The following WIPI2 variants were observed in gnomAD, a reference collection of about 807,000 sequenced individuals.
The protein encoded by WIPI2 is WD repeat domain phosphoinositide-interacting protein 2.
A neutral mutation model predicts 52.3 loss-of-function variants in WIPI2; 28 were observed. The ratio of observed to expected loss-of-function variants is 0.54; its 90% CI spans 0.40 to 0.73. WIPI2 has a LOEUF of 0.73. Among genes scored for constraint, WIPI2 ranks in the 30% least tolerant of loss-of-function variants. WIPI2 has a pLI of 0.00. For synonymous variants in WIPI2, 268 were observed against 245.0 expected (o/e 1.09, Z -0.88); for missense variants, 506 against 602.9 (o/e 0.84, Z 1.68).
rs73048035 is a variant in WIPI2 at position 5,213,422 on chromosome 7, C to T, written c.212-1113C>T. ...TGGCGCGTAGGTCAGCGAGGGGCCG[C>T]GGGTGCGAGGGTGGTCCTGTGAGAG... On this transcript the variant is annotated intron_variant, in intron 3 of 12. Coordinates refer to ENST00000288828, the MANE Select transcript of WIPI2 (RefSeq NM_015610.4). The T allele has an allele frequency of 1.9e-3, 290 of 152,834 alleles. 1 individual carries two copies. The highest frequency in any genetic ancestry group is 3.4e-3 in the Non-Finnish European group (229 of 68,262). 9.5% of individuals were successfully genotyped at this position (152,834 alleles called of 1,614,324 possible).
rs556220874 is a variant in WIPI2 at position 5,230,083 on chromosome 7, G to A, written c.1252+345G>A. Among the ~76,000 whole-genome samples the A allele has an allele frequency of 1.4e-3, 218 of 152,064 alleles. No individual in the cohort carries two copies. The highest frequency in any genetic ancestry group is 2.7e-3 in the Non-Finnish European group (181 of 67,972). ...CCACCGTACCAGGCTCATTTTCTCC[G>A]TTTTTAAAGAAAATGTCATCCTGGC... On this transcript the variant is annotated intron_variant, in intron 12 of 12. Transcript: ENST00000288828. This position sits in a 1 kb window ranked among gnomAD's most constrained non-coding sequence, Gnocchi z 4.8.
At chr7:5,221,871 C>T (rs1783146115) in intron 7 of WIPI2, among the ~76,000 whole-genome samples, 2 of 152,092 alleles carry the variant, frequency 1.3e-5, no homozygotes, top group Non-Finnish European at 2.9e-5. Flanking sequence ...TTTAAAGTGG[C>T]AGGAAAGACC....
At position 5,217,969 on chromosome 7, in the gene WIPI2, G is replaced by A. The variant is rs61736544; in HGVS notation, c.624G>A (p.Leu208=). The A allele has an allele frequency of 1.7e-3, 2,756 of 1,614,228 alleles. 48 individuals are homozygous for A. The African/African-American group carries it at 0.033, about 19-fold the overall frequency. Residue 208 remains leucine, a synonymous_variant, in exon 7 of 13, where the codon CTG becomes CTA. Transcript: ENST00000288828. ...CTCACGACAGTCCTTTAGCGGCACT[G>A]GCCTTTGACGCAAGTGGAACTAAAC... ...IPAHDSPLAA[L]AFDASGTKLA...
At chr7:5,200,113 G>T (rs574392254) in intron 3 of WIPI2, among the ~76,000 whole-genome samples, 1 of 152,184 alleles carries the variant, frequency 6.6e-6, no homozygotes, top group African/African-American at 2.4e-5. Context: ...GAGGTCATGC[G>T]CTTTGGCCTC....
rs749896284 is a variant in WIPI2 at position 5,227,378 on chromosome 7, G to A, written c.1013+34G>A. 19 of 1,604,592 alleles carry A rather than the reference G, an allele frequency of 1.2e-5. No individual in the cohort carries two copies. The highest frequency in any genetic ancestry group is 2.2e-5 in the East Asian group (1 of 44,816). ...AGCCGGCGCCTCCGTCCCCCACCCCGTGTGCCTCAGGCCGAGGGGCCCAGT... is the reference window on the plus strand; with the variant it reads ...AGCCGGCGCCTCCGTCCCCCACCCCATGTGCCTCAGGCCGAGGGGCCCAGT... On this transcript the variant is annotated intron_variant, in intron 10 of 12. Coordinates refer to ENST00000288828, the MANE Select transcript of WIPI2 (RefSeq NM_015610.4). The surrounding 1 kb of genome is among the most constrained non-coding windows in gnomAD (Gnocchi z 8.1).
rs560545160 is a variant in WIPI2 at position 5,230,412 on chromosome 7, G to A, written c.1253-423G>A. Among the ~76,000 whole-genome samples the A allele has an allele frequency of 6.6e-6, 1 of 152,302 alleles. No homozygotes were observed. The highest frequency in any genetic ancestry group is 1.5e-5 in the Non-Finnish European group (1 of 68,024). On this transcript the variant is annotated intron_variant, in intron 12 of 12. Coordinates refer to ENST00000288828, the MANE Select transcript of WIPI2 (RefSeq NM_015610.4). The surrounding 1 kb of genome is among the most constrained non-coding windows in gnomAD (Gnocchi z 4.8). ...AAAAAGCCAACTCGCACTCCAGTGG[G>A]AGAGCCTGTGGTTTTGCACCCACGC...
chr7:5,218,086 G>A (rs1055154398), intron 7 of WIPI2, 72 bp downstream of exon 7: 19 of 1,521,254 alleles, frequency 1.2e-5, no homozygotes, highest in Non-Finnish European at 1.7e-5. Context: ...TGTTCACACA[G>A]CCACCTTAGA....
intron 3 of WIPI2, chr7:5,213,211 A>T (rs997920714): frequency 1.3e-5 from 2 of 152,238 alleles, no homozygotes; most frequent in African/African-American, 2.4e-5. Flanking sequence ...CCATCTCCCC[A>T]TTTGTGGCAG....
chr7:5,214,144 A>C, intron 3 of WIPI2: 1 of 644,174 alleles, frequency 1.6e-6, no homozygotes, highest in Non-Finnish European at 2.2e-6. Context: ...ACATGAGTCT[A>C]TGGAACCCAG....
In WIPI2 at chr7:5,229,732, A is replaced by G. The variant is rs1481153428; in HGVS notation, c.1246A>G (p.Arg416Gly). Residue 416 changes from arginine (R) to glycine (G), a missense_variant, in exon 12 of 13, where the codon AGA becomes GGA. Around this residue, in one of 4 missense-constraint regions of WIPI2, gnomAD observed 194 missense variants for 175.1 expected, o/e 1.11. Transcript: ENST00000288828. ...KGTYVPSSPTRLAYTDDLGAV... is the reference protein window; with the variant it reads ...KGTYVPSSPTGLAYTDDLGAV... The stretch of plus-strand genomic sequence containing the variant: ...TACTTACGTGCCTTCATCCCCAACG[A>G]GACTTGGTAAGGGGCGTGACGCAAA... 2 of 1,613,710 alleles carry G rather than the reference A, an allele frequency of 1.2e-6. No homozygotes were observed. Among genetic ancestry groups the G allele is most frequent in the Non-Finnish European group, 1.7e-6 (2 of 1,179,810 alleles).
intron 3 of WIPI2, among the ~76,000 whole-genome samples, chr7:5,207,764 C>A (rs1402229030): frequency 1.6e-5 from 2 of 128,654 alleles, no homozygotes; most frequent in African/African-American, 2.9e-5. Flanking sequence ...TATGTCCTCA[C>A]TAACTTTTTT....
rs1783764174 is a variant in WIPI2, at chr7:5,232,369, T to C, written c.*1422T>C. The C allele has an allele frequency of 5.0e-6, 2 of 398,502 alleles. No individual in the cohort carries two copies. Among genetic ancestry groups the C allele is most frequent in the Admixed American group, 8.8e-5 (2 of 22,720 alleles). The allele number at this position is 398,502 out of a possible 1,614,324, so 24.7% of individuals were successfully genotyped here. ...AATGCCCCAGTGTTCCTGGGTTGGC[T>C]TTACGGCAAACTAAATGCAGGGGAC... On this transcript the variant is annotated 3_prime_UTR_variant, in exon 13 of 13. Coordinates refer to ENST00000288828, the MANE Select transcript of WIPI2 (RefSeq NM_015610.4).
chr7:5,220,535 A>T (rs1783067060), intron 7 of WIPI2, among the ~76,000 whole-genome samples: 1 of 152,080 alleles, frequency 6.6e-6, no homozygotes. Context: ...CACCACGCCC[A>T]GCCACTTTTT....
intron 11 of WIPI2, 132 bp downstream of exon 11, chr7:5,228,343 G>C: frequency 1.2e-6 from 1 of 845,526 alleles, no homozygotes; most frequent in Non-Finnish European, 1.7e-6. Context: ...AGCGGCCCAT[G>C]CCGCGCAGGT....
Position 5,227,907 on chromosome 7 carries a change from G to A in WIPI2, c.1014-197G>A, listed in dbSNP as rs1470678373. Among the ~76,000 whole-genome samples, 3 of 152,174 alleles carry A rather than the reference G, an allele frequency of 2.0e-5. No individual in the cohort carries two copies. Among genetic ancestry groups the A allele is most frequent in the Non-Finnish European group, 4.4e-5 (3 of 68,042 alleles). On this transcript the variant is annotated intron_variant, in intron 10 of 12. Coordinates refer to ENST00000288828, the MANE Select transcript of WIPI2 (RefSeq NM_015610.4). This position sits in a 1 kb window ranked among gnomAD's most constrained non-coding sequence, Gnocchi z 8.1. Reference sequence around the variant, plus strand: ...TGGTTTCATCCCGCTCTCGTCTCCCGTGGGCTTCAGGGCTCAGCACACGAG... The same window carrying A: ...TGGTTTCATCCCGCTCTCGTCTCCCATGGGCTTCAGGGCTCAGCACACGAG...
rs1240794801 is a variant in WIPI2 at position 5,230,143 on chromosome 7, G to A, written c.1252+405G>A. Among the ~76,000 whole-genome samples, 1 of 152,154 alleles carries A rather than the reference G, an allele frequency of 6.6e-6. No individual in the cohort carries two copies. The highest frequency in any genetic ancestry group is 2.4e-5 in the African/African-American group (1 of 41,440). On this transcript the variant is annotated intron_variant, in intron 12 of 12. Coordinates refer to ENST00000288828, the MANE Select transcript of WIPI2 (RefSeq NM_015610.4). This position sits in a 1 kb window ranked among gnomAD's most constrained non-coding sequence, Gnocchi z 4.8. ...TCTGGGGTCACGTGACTTGGGCCCA[G>A]ACTGGCCACCTCTCAGCCAAGATAC...
chr7:5,227,049 C>T lies in WIPI2; in HGVS notation c.849-131C>T, dbSNP rs1783470395. 7.7e-7 allele frequency: 1 copy of T among 1,298,010 alleles called. No homozygotes were observed. Among genetic ancestry groups the T allele is most frequent in the Non-Finnish European group, 1.1e-6 (1 of 941,712 alleles). 80.4% of individuals were successfully genotyped at this position (1,298,010 alleles called of 1,614,324 possible). On this transcript the variant is annotated intron_variant, in intron 9 of 12. Transcript: ENST00000288828. This position sits in a 1 kb window ranked among gnomAD's most constrained non-coding sequence, Gnocchi z 8.1. ...CCCTGAGTGTCTGCTTATAACCAAC[C>T]CTGTTTAATTTTCCTGTGAAGAATG...
intron 6 of WIPI2, 115 bp from the exon 7 acceptor site, chr7:5,217,807 T>A: frequency 1.0e-6 from 1 of 961,732 alleles, no homozygotes; most frequent in Non-Finnish European, 1.6e-6. Context: ...GGCATTTGTT[T>A]GGACCGTAAT....
chr7:5,213,113 C>A (rs980930656), intron 3 of WIPI2: 1 of 151,532 alleles, frequency 6.6e-6, no homozygotes, highest in Non-Finnish European at 1.5e-5. Flanking sequence ...TTGACAGATC[C>A]TGGAAGACGG....
Sources: gnomAD v4.1 joint callset for allele counts (sites outside exome capture counted in the v4.1 genomes callset) on GRCh38, gnomAD v4.1.1 for gene constraint, gnomAD v4.1.1 regional missense constraint, Gnocchi (gnomAD v3.1) non-coding constraint, MANE v1.5 for transcripts, NCBI Gene and HGNC (gene_info 2026-07-23, HGNC 2026-07-21) for gene names.